Variants in MKLN1 observed in about 807,000 individuals in gnomAD.
MKLN1 encodes the protein muskelin.
MKLN1 carries 18 observed loss-of-function variants against 99.0 expected under a neutral mutation model. That is an observed-to-expected ratio of 0.18 (90% confidence interval 0.13 to 0.27). The LOEUF (loss-of-function observed/expected upper bound fraction) is 0.27, where lower values mean the gene tolerates loss of function less well. Among genes scored for constraint, MKLN1 ranks in the 10% least tolerant of loss-of-function variants. The pLI is 1.00. For missense variants in MKLN1, 621 were observed against 875.9 expected (o/e 0.71, Z 3.67); for synonymous variants, 288 against 293.2 (o/e 0.98, Z 0.18).
chr7:131,162,169 C>A (rs1796064677), intron 2 of MKLN1, among the ~76,000 whole-genome samples: 1 of 151,884 alleles, frequency 6.6e-6, no homozygotes, highest in African/African-American at 2.4e-5. Flanking sequence ...TCTCCTGCCT[C>A]AGCCTCTGGA....
At chr7:131,309,915 C>A (rs1798535469) in intron 3 of MKLN1, 1 of 151,606 alleles carries the variant, frequency 6.6e-6, no homozygotes, top group African/African-American at 2.4e-5. Context: ...TTAGTAGAGA[C>A]AGGGTTTCAC....
chr7:131,395,450 T>TTTTTATTTTATTTTA (rs56276107), intron 4 of MKLN1, among the ~76,000 whole-genome samples: 7,095 of 134,234 alleles, frequency 0.053, 335 homozygotes, highest in African/African-American at 0.1. Flanking sequence ...GTAAAAATTA[T>TTTTTATTTTATTTTA]TTTTATTTTA....
intron 3 of MKLN1, among the ~76,000 whole-genome samples, chr7:131,231,638 A>G (rs540393912): frequency 2.0e-5 from 3 of 152,272 alleles, no homozygotes; most frequent in Admixed American, 6.5e-5. Flanking sequence ...CTGTGTGTCT[A>G]TGAGTCTGAG....
At chr7:131,302,990 G>C (rs1002740079) in intron 3 of MKLN1, among the ~76,000 whole-genome samples, 1 of 152,162 alleles carries the variant, frequency 6.6e-6, no homozygotes, top group African/African-American at 2.4e-5. Context: ...ATGCTTGTGT[G>C]GATGTGTTTC....
At chr7:131,307,555 A>G (rs1018371618) in intron 3 of MKLN1, among the ~76,000 whole-genome samples, 3 of 152,174 alleles carry the variant, frequency 2.0e-5, no homozygotes, top group Non-Finnish European at 4.4e-5. Flanking sequence ...TTGGGAGCCT[A>G]CCTCTTGCAT....
At chr7:131,324,531 C>T (rs978890792), upstream of MKLN1, 2 of 152,208 alleles carry the variant, frequency 1.3e-5, no homozygotes, top group African/African-American at 4.8e-5. Context: ...CTTGAATATA[C>T]ACTCTGAGTA....
intron 2 of MKLN1, among the ~76,000 whole-genome samples, chr7:131,177,694 C>T (rs1035707834): frequency 4.6e-5 from 7 of 152,112 alleles, no homozygotes; most frequent in South Asian, 4.1e-4. Context: ...TCATCAAATG[C>T]TCCTTGTCTT....
At chr7:131,182,358 C>T (rs1385073656) in intron 2 of MKLN1, among the ~76,000 whole-genome samples, 4 of 152,190 alleles carry the variant, frequency 2.6e-5, no homozygotes, top group Non-Finnish European at 4.4e-5. Flanking sequence ...CTTACCACAG[C>T]CAAGCTGTCA....
chr7:131,413,300 T>C (rs1283502150), intron 7 of MKLN1, among the ~76,000 whole-genome samples: 3 of 152,214 alleles, frequency 2.0e-5, no homozygotes, highest in Admixed American at 2.0e-4. Context: ...TTCAGTTTTG[T>C]ATCTTATTTT....
At chr7:131,371,465 G>A (rs1351853428) in intron 1 of MKLN1, among the ~76,000 whole-genome samples, 1 of 152,058 alleles carries the variant, frequency 6.6e-6, no homozygotes, top group Non-Finnish European at 1.5e-5. Context: ...AAATAGCATT[G>A]ATACATTGAC....
chr7:131,306,526 C>T (rs772554198), intron 3 of MKLN1, among the ~76,000 whole-genome samples: 9 of 152,188 alleles, frequency 5.9e-5, no homozygotes, highest in Non-Finnish European at 1.0e-4. Flanking sequence ...GAGCAAAAGT[C>T]ACTCTTGCTA....
At position 131,470,826 on chromosome 7, in the gene MKLN1, T is replaced by G; in HGVS notation, c.1929-16T>G. ...TCTCATAACTCCAGATAATTATCCT[T>G]GTGTACATTTTCTAGGTTTGAAGAA... On this transcript the variant is annotated splice_polypyrimidine_tract_variant and intron_variant, in intron 15 of 17. Transcript: ENST00000352689. The G allele has an allele frequency of 6.8e-7, 1 of 1,476,538 alleles. No individual in the cohort carries two copies. Among genetic ancestry groups the G allele is most frequent in the Non-Finnish European group, 9.5e-7 (1 of 1,055,840 alleles). 91.5% of individuals were successfully genotyped at this position (1,476,538 alleles called of 1,614,324 possible).
intron 3 of MKLN1, among the ~76,000 whole-genome samples, chr7:131,293,083 A>G (rs73722804): frequency 0.069 from 10,538 of 152,264 alleles, 1,203 homozygotes; most frequent in African/African-American, 0.24. Flanking sequence ...AGTTGAAGTG[A>G]CAGAGTGCCA....
chr7:131,487,159 A>AT lies in MKLN1; in HGVS notation c.2087-443dup, dbSNP rs142909366. Among the ~76,000 whole-genome samples the AT allele has an allele frequency of 1.7e-3, 259 of 152,214 alleles. 1 individual carries two copies. Among genetic ancestry groups the AT allele is most frequent in the African/African-American group, 5.9e-3 (245 of 41,548 alleles). On this transcript the variant is annotated intron_variant, in intron 17 of 17. Transcript: ENST00000352689. The surrounding 1 kb of genome is among the most constrained non-coding windows in gnomAD (Gnocchi z 4.7). ...ACCTCTTTCATTTTGATTTTATTAT[A>AT]TTTTTGTTACTAAAAAACTTTTTTA...
chr7:131,328,120 G>C, intron 1 of MKLN1, 123 bp downstream of exon 1: 1 of 1,196,030 alleles, frequency 8.4e-7, no homozygotes, highest in South Asian at 1.4e-5. Flanking sequence ...GGGGACGTGC[G>C]GCCTCCGGAG....
chr7:131,381,055 A>AT (rs1793832581), intron 2 of MKLN1, among the ~76,000 whole-genome samples: 1 of 152,232 alleles, frequency 6.6e-6, no homozygotes, highest in Non-Finnish European at 1.5e-5. Context: ...AAACCTTAAT[A>AT]TAAGTATTTT....
Position 131,327,925 on chromosome 7 carries a change from C to A in MKLN1, c.26C>A (p.Ala9Glu), listed in dbSNP as rs200265321. Reference protein sequence around the residue: MAAGGAVAAAPECRLLPYA... With the variant: MAAGGAVAEAPECRLLPYA... Reference sequence around the variant, plus strand: ...ATGGCGGCTGGCGGAGCTGTCGCTGCGGCGCCCGAGTGCCGGCTTCTCCCC... The same window carrying A: ...ATGGCGGCTGGCGGAGCTGTCGCTGAGGCGCCCGAGTGCCGGCTTCTCCCC... The change falls in exon 1 of 18, where the codon GCG (alanine) becomes GAG (glutamate). Residue 9 changes from alanine to glutamate, a missense_variant. Ala to Glu is a moderately radical substitution (Grantham distance 107, BLOSUM62 -1). Around this residue, in one of 8 missense-constraint regions of MKLN1, gnomAD observed 58 missense variants for 40.0 expected, o/e 1.45. Coordinates refer to ENST00000352689, the MANE Select transcript of MKLN1 (RefSeq NM_013255.5). 1.2e-6 allele frequency: 2 copies of A among 1,612,982 alleles called. No homozygotes were observed. Among genetic ancestry groups the A allele is most frequent in the Non-Finnish European group, 1.7e-6 (2 of 1,179,820 alleles).
At chr7:131,358,652 T>A (rs528625185) in intron 1 of MKLN1, among the ~76,000 whole-genome samples, 1 of 152,284 alleles carries the variant, frequency 6.6e-6, no homozygotes, top group Non-Finnish European at 1.5e-5. Context: ...AGTGAAACCA[T>A]CTGGGCCTGG....
At chr7:131,350,200 AT>A (rs1799678846) in intron 1 of MKLN1, among the ~76,000 whole-genome samples, 1 of 148,738 alleles carries the variant, frequency 6.7e-6, no homozygotes, top group Admixed American at 6.7e-5. Context: ...TTTATTAGTT[AT>A]TTTTTATTTC....
Sources: allele counts gnomAD v4.1 joint callset (sites outside exome capture counted in the v4.1 genomes callset), GRCh38; gene constraint gnomAD v4.1.1; regional missense constraint gnomAD v4.1.1; non-coding constraint Gnocchi (gnomAD v3.1); transcripts MANE v1.5; gene names NCBI Gene and HGNC (gene_info 2026-07-23, HGNC 2026-07-21).